LRRC7: variants seen among roughly 807,000 people sequenced by gnomAD.
The protein encoded by LRRC7 is leucine rich repeat containing 7, also known as leucine-rich repeat-containing protein 7.
LRRC7 carries 23 observed loss-of-function variants against 175.7 expected under a neutral mutation model. The observed-to-expected ratio is 0.13, with a 90% CI of 0.09 to 0.19. LRRC7 has a LOEUF of 0.19. Ranked by LOEUF, LRRC7 falls within the 10% of genes least tolerant of loss-of-function variation. The pLI is 1.00. For missense variants in LRRC7, 1,354 were observed against 1,904.7 expected, an observed-to-expected ratio of 0.71 and a Z score of 5.38; for synonymous variants, 685 against 680.9, an observed-to-expected ratio of 1.01 and a Z score of -0.09.
chr1:69,928,822 C>T (rs955694408), intron 7 of LRRC7, among the ~76,000 whole-genome samples: 8 of 152,208 alleles, frequency 5.3e-5, no homozygotes, highest in Non-Finnish European at 8.8e-5. Context: ...CACTGTCCTG[C>T]CCCCACTGTC....
At chr1:69,877,694 A>G (rs1407734959) in intron 7 of LRRC7, among the ~76,000 whole-genome samples, 3 of 152,184 alleles carry the variant, frequency 2.0e-5, no homozygotes, top group Non-Finnish European at 4.4e-5. Context: ...AGCCCCAGGT[A>G]ACTACTAAAC....
intron 7 of LRRC7, among the ~76,000 whole-genome samples, chr1:69,911,359 T>C (rs1646524781): frequency 6.6e-6 from 1 of 152,182 alleles, no homozygotes; most frequent in South Asian, 2.1e-4. Flanking sequence ...TGTTGTAAGT[T>C]CTTTGAGAAA....
At chr1:69,685,402 A>G (rs537712607) in intron 2 of LRRC7, among the ~76,000 whole-genome samples, 1 of 152,292 alleles carries the variant, frequency 6.6e-6, no homozygotes, top group African/African-American at 2.4e-5. Context: ...ATACTAAGAC[A>G]AATTAGATAA....
At chr1:69,839,634 T>C (rs1410299970) in intron 7 of LRRC7, among the ~76,000 whole-genome samples, 3 of 152,040 alleles carry the variant, frequency 2.0e-5, no homozygotes, top group African/African-American at 7.2e-5. Flanking sequence ...TAAACCAAGA[T>C]AGAAAAGCAG....
intron 2 of LRRC7, among the ~76,000 whole-genome samples, chr1:69,703,620 T>G (rs900505132): frequency 2.0e-5 from 3 of 151,980 alleles, no homozygotes; most frequent in African/African-American, 7.2e-5. Context: ...AAGAACAAAT[T>G]TACATTTCTG....
At chr1:69,710,491 G>T (rs1007960812) in intron 2 of LRRC7, among the ~76,000 whole-genome samples, 46 of 151,958 alleles carry the variant, frequency 3.0e-4, no homozygotes, top group African/African-American at 1.1e-3. Flanking sequence ...CATGTTTAAA[G>T]GTAACAATGA....
Position 70,036,614 on chromosome 1 carries a change from T to C in LRRC7, c.2278T>C (p.Trp760Arg), listed in dbSNP as rs1659341619. 1 of 1,611,176 alleles carries C rather than the reference T, an allele frequency of 6.2e-7. No homozygotes were observed. Among genetic ancestry groups the C allele is most frequent in the South Asian group, 1.1e-5 (1 of 90,274 alleles). Residue 760 changes from tryptophan to arginine, a missense_variant, in exon 20 of 27, where the codon TGG (tryptophan) becomes CGG (arginine). Physicochemically the swap from Trp to Arg is moderately radical, Grantham distance 101 (BLOSUM62 -3). Transcript: ENST00000651989. Reference protein sequence around the residue: ...TAKDAVHNSLWGNRIAPSFPQ... With the variant: ...TAKDAVHNSLRGNRIAPSFPQ... ...TAAAGATGCAGTACATAATTCTTTG[T>C]GGGGTAACAGGTGTGTTTAGAATTC...
chr1:70,104,721 T>A (rs560632116), intron 25 of LRRC7, among the ~76,000 whole-genome samples: 2 of 152,238 alleles, frequency 1.3e-5, no homozygotes, highest in Non-Finnish European at 2.9e-5. Context: ...AGAGGTTGAA[T>A]CCTCCAGAGC....
At chr1:69,952,603 A>G (rs1409606469) in intron 8 of LRRC7, among the ~76,000 whole-genome samples, 1 of 152,102 alleles carries the variant, frequency 6.6e-6, no homozygotes, top group Non-Finnish European at 1.5e-5. Context: ...TCTTATGTTA[A>G]TAAGACAAAT....
At chr1:69,791,462 A>G (rs1482784176) in intron 3 of LRRC7, among the ~76,000 whole-genome samples, 1 of 152,008 alleles carries the variant, frequency 6.6e-6, no homozygotes. Context: ...GACTGATGGC[A>G]GAAATGAAGC....
chr1:69,650,412 T>C (rs1055825347), intron 1 of LRRC7, among the ~76,000 whole-genome samples: 5 of 151,460 alleles, frequency 3.3e-5, no homozygotes, highest in East Asian at 2.0e-4. Context: ...TGGTGGTGGG[T>C]GCCTGCAGTC....
intron 2 of LRRC7, among the ~76,000 whole-genome samples, chr1:69,717,814 GAAAGAAAGAAAGA>G (rs1665624167): frequency 3.9e-5 from 1 of 25,396 alleles, no homozygotes; most frequent in South Asian, 1.7e-3. Flanking sequence ...AAGAAAGAAA[GAAAGAAAGAAAGA>G]AAGAAAGAAA....
intron 7 of LRRC7, among the ~76,000 whole-genome samples, chr1:69,915,162 A>G (rs1421908861): frequency 6.6e-6 from 1 of 152,316 alleles, no homozygotes; most frequent in East Asian, 1.9e-4. Context: ...GCCAAATGGC[A>G]AAACCACATC....
chr1:69,856,243 G>A (rs1046912619), intron 7 of LRRC7, among the ~76,000 whole-genome samples: 2 of 151,942 alleles, frequency 1.3e-5, no homozygotes, highest in Non-Finnish European at 2.9e-5. Context: ...GCTAGCAGAA[G>A]GTAAGAAATA....
At chr1:69,725,182 T>C (rs186621020) in intron 2 of LRRC7, among the ~76,000 whole-genome samples, 2 of 152,008 alleles carry the variant, frequency 1.3e-5, no homozygotes, top group East Asian at 3.9e-4. Flanking sequence ...AAGAGAAAAA[T>C]ATATATACTG....
chr1:69,998,813 G>T (rs1164278684), intron 11 of LRRC7, among the ~76,000 whole-genome samples: 1 of 152,186 alleles, frequency 6.6e-6, no homozygotes, highest in East Asian at 1.9e-4. Flanking sequence ...AGCTTTGCTG[G>T]TAATTTTTGG....
intron 3 of LRRC7, among the ~76,000 whole-genome samples, chr1:69,785,479 AT>A (rs1292153777): frequency 6.6e-6 from 1 of 152,028 alleles, no homozygotes; most frequent in Non-Finnish European, 1.5e-5. Context: ...AAATTAATCC[AT>A]TTTTACTGAA....
intron 8 of LRRC7, among the ~76,000 whole-genome samples, chr1:69,972,895 A>G (rs1223560130): frequency 1.4e-5 from 2 of 147,012 alleles, no homozygotes; most frequent in African/African-American, 5.0e-5. Flanking sequence ...GTGGATAGGG[A>G]AACTGTTTAT....
intron 1 of LRRC7, among the ~76,000 whole-genome samples, chr1:69,605,973 A>C (rs557376125): frequency 6.6e-6 from 1 of 152,304 alleles, no homozygotes; most frequent in Non-Finnish European, 1.5e-5. Context: ...AAAAAACTTA[A>C]GACAAACTAA....
Sources: allele counts gnomAD v4.1 joint callset (sites outside exome capture counted in the v4.1 genomes callset), GRCh38; gene constraint gnomAD v4.1.1; transcripts MANE v1.5; gene names NCBI Gene and HGNC (gene_info 2026-07-23, HGNC 2026-07-21).